The following MACROD2 variants were observed in gnomAD, a reference collection of about 807,000 sequenced individuals.
The protein encoded by MACROD2 is mono-ADP ribosylhydrolase 2, also known as ADP-ribose glycohydrolase MACROD2.
A neutral mutation model predicts 70.4 loss-of-function variants in MACROD2; 36 were observed. That is an observed-to-expected ratio of 0.51 (90% CI 0.39 to 0.68). MACROD2 has a LOEUF of 0.68. Ranked by LOEUF, MACROD2 falls within the 30% of genes least tolerant of loss-of-function variation. The pLI, the probability that MACROD2 is intolerant of heterozygous loss-of-function variation, is 0.00. For synonymous variants in MACROD2, 172 were observed against 178.8 expected (o/e 0.96, Z 0.30); for missense variants, 496 against 538.4 (o/e 0.92, Z 0.78).
chr20:14,741,515 A>G (rs748660344), intron 5 of MACROD2, among the ~76,000 whole-genome samples: 23 of 152,264 alleles, frequency 1.5e-4, no homozygotes, highest in South Asian at 1.2e-3. Context: ...AGGTATATTT[A>G]ACTTGTTAGG....
intron 5 of MACROD2, among the ~76,000 whole-genome samples, chr20:15,089,207 A>T (rs1346523167): frequency 6.6e-6 from 1 of 152,198 alleles, no homozygotes; most frequent in Non-Finnish European, 1.5e-5. Flanking sequence ...ACTAGGAAAT[A>T]CAAGGCGTAA....
intron 3 of MACROD2, among the ~76,000 whole-genome samples, chr20:14,099,079 A>G (rs1601221993): frequency 6.6e-6 from 1 of 152,190 alleles, no homozygotes; most frequent in South Asian, 2.1e-4. Flanking sequence ...GGAGTTCAAG[A>G]CCAGCCTAAC....
At chr20:15,472,318 T>A (rs55754724) in intron 7 of MACROD2, among the ~76,000 whole-genome samples, 3,489 of 152,286 alleles carry the variant, frequency 0.023, 132 homozygotes, top group African/African-American at 0.078. Flanking sequence ...CTAGCTAATC[T>A]TCTTCCTTTA....
chr20:15,932,924 A>G (rs1365004949), intron 10 of MACROD2, among the ~76,000 whole-genome samples: 2 of 152,218 alleles, frequency 1.3e-5, no homozygotes, highest in African/African-American at 4.8e-5. Context: ...CCTTCCTTAC[A>G]CAGTGCATGT....
chr20:15,237,956 G>A (rs1332588071), intron 6 of MACROD2, among the ~76,000 whole-genome samples: 1 of 152,208 alleles, frequency 6.6e-6, no homozygotes, highest in Admixed American at 6.5e-5. Context: ...GGATGGGCAT[G>A]TGCTAGAATG....
chr20:14,553,408 CTTTTTTTTT>C lies in MACROD2; in HGVS notation c.301+59912_301+59920del, dbSNP rs34162149. ...CTGCCTGAGGCTGTTTTCTAGTTAA[CTTTTTTTTT>C]TTTTTTTTTTTAGTAAGTAGAAGAA... On this transcript the variant is annotated intron_variant, in intron 4 of 17. Transcript: ENST00000684519. Among the ~76,000 whole-genome samples the C allele has an allele frequency of 3.4e-3, 439 of 127,850 alleles. 2 individuals are homozygous for C. The highest frequency in any genetic ancestry group is 0.012 in the African/African-American group (409 of 35,362). 83.9% of individuals were successfully genotyped at this position (127,850 alleles called of 152,430 possible).
chr20:15,157,349 A>ACCCCCCCCC (rs71870874), intron 5 of MACROD2, among the ~76,000 whole-genome samples: 7 of 109,380 alleles, frequency 6.4e-5, no homozygotes, highest in African/African-American at 2.1e-4. Context: ...CTAATTAACC[A>ACCCCCCCCC]CCCCCCCCCA....
intron 6 of MACROD2, among the ~76,000 whole-genome samples, chr20:15,257,881 T>C (rs2077213471): frequency 6.6e-6 from 1 of 152,052 alleles, no homozygotes; most frequent in Non-Finnish European, 1.5e-5. Context: ...GGCACTGTTA[T>C]CACAGGAGAT....
At chr20:14,094,756 T>C (rs1489528684) in intron 3 of MACROD2, among the ~76,000 whole-genome samples, 1 of 152,180 alleles carries the variant, frequency 6.6e-6, no homozygotes, top group African/African-American at 2.4e-5. Flanking sequence ...TACTTCTCTG[T>C]ACAGCCACCT....
intron 13 of MACROD2, among the ~76,000 whole-genome samples, chr20:15,970,854 A>G (rs1257154218): frequency 6.6e-6 from 1 of 152,148 alleles, no homozygotes; most frequent in Admixed American, 6.5e-5. Context: ...AACATTCATA[A>G]AGAACTCTGA....
At chr20:15,063,793 A>T (rs1324297692) in intron 5 of MACROD2, among the ~76,000 whole-genome samples, 1 of 152,154 alleles carries the variant, frequency 6.6e-6, no homozygotes, top group African/African-American at 2.4e-5. Context: ...TTTCCCCAAC[A>T]TCAGTAATAT....
intron 5 of MACROD2, among the ~76,000 whole-genome samples, chr20:15,042,116 T>TA (rs376837758): frequency 7.3e-5 from 11 of 151,650 alleles, no homozygotes; most frequent in African/African-American, 2.4e-4. Flanking sequence ...AAAGAAAAAA[T>TA]AAAAAACAAG....
chr20:14,304,944 T>C (rs183952324), intron 3 of MACROD2, among the ~76,000 whole-genome samples: 1 of 152,172 alleles, frequency 6.6e-6, no homozygotes, highest in Non-Finnish European at 1.5e-5. Context: ...CTAATGCTCT[T>C]CCACTAGTTG....
intron 5 of MACROD2, among the ~76,000 whole-genome samples, chr20:15,128,942 T>A (rs1414237012): frequency 6.6e-6 from 1 of 152,014 alleles, no homozygotes; most frequent in East Asian, 1.9e-4. Flanking sequence ...ATAAATCATT[T>A]ATACTCATTT....
intron 5 of MACROD2, among the ~76,000 whole-genome samples, chr20:15,113,763 AGTGTGTGTGT>A (rs71340210): frequency 0.12 from 17,068 of 144,196 alleles, 1,103 homozygotes; most frequent in Admixed American, 0.17. Flanking sequence ...GTAGTCTTGA[AGTGTGTGTGT>A]GTGTGTGTGT....
chr20:15,126,902 A>G (rs2076071110), intron 5 of MACROD2, among the ~76,000 whole-genome samples: 4 of 152,138 alleles, frequency 2.6e-5, no homozygotes, highest in Admixed American at 2.0e-4. Context: ...GGTCAGCAAA[A>G]TATTTTGGTA....
intron 6 of MACROD2, among the ~76,000 whole-genome samples, chr20:15,260,551 C>A (rs2077240184): frequency 6.6e-6 from 1 of 151,936 alleles, no homozygotes; most frequent in African/African-American, 2.4e-5. Context: ...AGGTTGATTG[C>A]ATATCATGGC....
At chr20:15,631,446 A>G (rs189165648) in intron 8 of MACROD2, among the ~76,000 whole-genome samples, 12 of 152,314 alleles carry the variant, frequency 7.9e-5, no homozygotes, top group African/African-American at 2.9e-4. Flanking sequence ...TTAAATCCAA[A>G]CACATTCTTT....
chr20:14,763,092 A>AT (rs894635841), intron 5 of MACROD2, among the ~76,000 whole-genome samples: 3 of 152,078 alleles, frequency 2.0e-5, no homozygotes, highest in Admixed American at 2.0e-4. Context: ...AAAGAAAGTG[A>AT]TCCAGGAAGT....
Sources: allele counts gnomAD v4.1 joint callset (sites outside exome capture counted in the v4.1 genomes callset), GRCh38; gene constraint gnomAD v4.1.1; transcripts MANE v1.5; gene names NCBI Gene and HGNC (gene_info 2026-07-23, HGNC 2026-07-21).